Variants in PSD3 observed in about 807,000 individuals in gnomAD.
PSD3 encodes the protein PH and SEC7 domain-containing protein 3.
In PSD3, 49 loss-of-function variants were observed where a neutral mutation model predicts 105.5. That is an observed-to-expected ratio of 0.46 (90% confidence interval 0.37 to 0.59). The LOEUF is 0.59. Among genes scored for constraint, PSD3 ranks in the 20% least tolerant of loss-of-function variants. The pLI, the probability that PSD3 is intolerant of heterozygous loss-of-function variation, is 0.00. For missense variants in PSD3, 1,561 were observed against 1,263.8 expected (o/e 1.24, Z -3.57); for synonymous variants, 557 against 457.8 (o/e 1.22, Z -2.77).
chr8:18,727,000 C>T (rs550186185), intron 9 of PSD3, among the ~76,000 whole-genome samples: 9 of 152,162 alleles, frequency 5.9e-5, no homozygotes, highest in African/African-American at 2.2e-4. Context: ...TCTAGACCAG[C>T]CTGGTCAACA....
chr8:19,055,651 G>T (rs1394655628), intron 1 of PSD3, among the ~76,000 whole-genome samples: 1 of 152,208 alleles, frequency 6.6e-6, no homozygotes, highest in South Asian at 2.1e-4. Flanking sequence ...ATAGGCAAAA[G>T]GTTTAGAAAG....
At chr8:18,773,796 G>T (rs1266087059) in intron 8 of PSD3, among the ~76,000 whole-genome samples, 1 of 152,096 alleles carries the variant, frequency 6.6e-6, no homozygotes, top group African/African-American at 2.4e-5. Context: ...TATACAAAGT[G>T]AACTTGGATT....
At chr8:18,539,160 G>A (rs1312832277) in intron 15 of PSD3, among the ~76,000 whole-genome samples, 3 of 152,200 alleles carry the variant, frequency 2.0e-5, no homozygotes, top group Non-Finnish European at 2.9e-5. Flanking sequence ...GGACTAACCA[G>A]CAGGTATTAG....
intron 1 of PSD3, among the ~76,000 whole-genome samples, chr8:19,083,183 C>A (rs1238205018): frequency 6.6e-6 from 1 of 152,212 alleles, no homozygotes; most frequent in Non-Finnish European, 1.5e-5. Context: ...CCTCCACACC[C>A]TTCCTCACCT....
chr8:19,049,235 C>T (rs1232189259), intron 1 of PSD3, among the ~76,000 whole-genome samples: 1 of 152,108 alleles, frequency 6.6e-6, no homozygotes, highest in Admixed American at 6.5e-5. Flanking sequence ...ATAATAGGCT[C>T]CAAAAGGAGG....
At chr8:18,988,644 C>T (rs1273682320) in intron 1 of PSD3, among the ~76,000 whole-genome samples, 1 of 152,166 alleles carries the variant, frequency 6.6e-6, no homozygotes, top group Admixed American at 6.5e-5. Context: ...TTTCCAATCA[C>T]ACTACTTAAG....
intron 8 of PSD3, among the ~76,000 whole-genome samples, chr8:18,782,578 T>C (rs1299064231): frequency 1.3e-5 from 2 of 152,180 alleles, no homozygotes; most frequent in Non-Finnish European, 2.9e-5. Flanking sequence ...GGGATGGATA[T>C]GCAGGATCTC....
chr8:19,016,328 G>T (rs1827177012), upstream of PSD3, among the ~76,000 whole-genome samples: 1 of 152,138 alleles, frequency 6.6e-6, no homozygotes, highest in African/African-American at 2.4e-5. Context: ...GGTGTGGAGA[G>T]ACTATATAGT....
At chr8:18,801,832 GA>G (rs1012948477) in intron 6 of PSD3, among the ~76,000 whole-genome samples, 24 of 148,816 alleles carry the variant, frequency 1.6e-4, no homozygotes, top group Admixed American at 3.4e-4. Flanking sequence ...CGTTTCAAAA[GA>G]AAAAAAAAAT....
chr8:18,718,665 G>A (rs1802753621), intron 9 of PSD3, among the ~76,000 whole-genome samples: 3 of 152,112 alleles, frequency 2.0e-5, no homozygotes, highest in Non-Finnish European at 4.4e-5. Context: ...CCTAAGACCC[G>A]AAATGTCATA....
chr8:19,037,016 A>G (rs577945428), intron 1 of PSD3, among the ~76,000 whole-genome samples: 2 of 152,150 alleles, frequency 1.3e-5, no homozygotes, highest in East Asian at 3.9e-4. Context: ...CCCTACTCCC[A>G]CCACTAATTA....
At chr8:18,935,592 G>C (rs1034694702) in intron 2 of PSD3, among the ~76,000 whole-genome samples, 1 of 151,506 alleles carries the variant, frequency 6.6e-6, no homozygotes, top group Non-Finnish European at 1.5e-5. Context: ...AGCTAGTTGG[G>C]AGGCTGAGGC....
At chr8:18,894,569 G>A (rs1819017036) in intron 2 of PSD3, among the ~76,000 whole-genome samples, 1 of 151,952 alleles carries the variant, frequency 6.6e-6, no homozygotes, top group South Asian at 2.1e-4. Context: ...GACATCTGAG[G>A]CAGGAGTCTA....
chr8:18,774,555 A>T, intron 8 of PSD3: 1 of 319,550 alleles, frequency 3.1e-6, no homozygotes, highest in Non-Finnish European at 6.0e-6. Flanking sequence ...GTTCATGCCT[A>T]GACCTCTTAC....
chr8:18,944,155 G>A (rs568556043), intron 1 of PSD3, among the ~76,000 whole-genome samples: 1 of 152,258 alleles, frequency 6.6e-6, no homozygotes, highest in South Asian at 2.1e-4. Flanking sequence ...CATGTTTCAT[G>A]AGGCTGTTCT....
chr8:18,834,479 C>T (rs1813933094), intron 4 of PSD3, among the ~76,000 whole-genome samples: 1 of 152,178 alleles, frequency 6.6e-6, no homozygotes, highest in African/African-American at 2.4e-5. Flanking sequence ...GTCAATTCAT[C>T]CACAGCCCCT....
chr8:18,861,113 G>C (rs1816402609), intron 4 of PSD3, among the ~76,000 whole-genome samples: 1 of 152,154 alleles, frequency 6.6e-6, no homozygotes, highest in South Asian at 2.1e-4. Context: ...GCACCAAACA[G>C]ACAGGGAGGG....
intron 11 of PSD3, among the ~76,000 whole-genome samples, chr8:18,619,307 T>C (rs758736438): frequency 6.6e-6 from 1 of 152,008 alleles, no homozygotes; most frequent in Non-Finnish European, 1.5e-5. Context: ...AAAAGACTGA[T>C]CAAAACAGAC....
chr8:18,790,224 G>C (rs2129446226), intron 8 of PSD3, among the ~76,000 whole-genome samples: 1 of 151,672 alleles, frequency 6.6e-6, no homozygotes, highest in Admixed American at 6.6e-5. Flanking sequence ...TAGACCATTG[G>C]CAATATGATA....
Sources: allele counts gnomAD v4.1 joint callset (sites outside exome capture counted in the v4.1 genomes callset), GRCh38; gene constraint gnomAD v4.1.1; transcripts MANE v1.5; gene names NCBI Gene and HGNC (gene_info 2026-07-23, HGNC 2026-07-21).